Variants in PTPRG observed in about 807,000 individuals in gnomAD.
PTPRG encodes the protein protein tyrosine phosphatase receptor type G, also known as receptor-type tyrosine-protein phosphatase gamma.
Under a neutral mutation model 165.3 loss-of-function variants are expected in PTPRG, and 102 were observed. The ratio of observed to expected loss-of-function variants is 0.62; its 90% CI spans 0.53 to 0.73. The LOEUF (loss-of-function observed/expected upper bound fraction) is 0.73. PTPRG is among the 30% of genes least tolerant of loss of function. The pLI is 0.00. For synonymous variants in PTPRG, 675 were observed against 669.5 expected, an observed-to-expected ratio of 1.01 and a Z score of -0.13; for missense variants, 1,866 against 1,861.4, an observed-to-expected ratio of 1.00 and a Z score of -0.05.
At chr3:61,858,046 C>G (rs772135577) in intron 2 of PTPRG, among the ~76,000 whole-genome samples, 2 of 152,198 alleles carry the variant, frequency 1.3e-5, no homozygotes, top group Non-Finnish European at 2.9e-5. Flanking sequence ...CTGGCTTAAA[C>G]TGATACATGT....
At chr3:61,849,652 C>T (rs1031754276) in intron 2 of PTPRG, among the ~76,000 whole-genome samples, 3 of 152,192 alleles carry the variant, frequency 2.0e-5, no homozygotes, top group African/African-American at 7.2e-5. Context: ...GATAAATGCA[C>T]TGAGACATTG....
At chr3:62,000,330 G>T (rs1374226136) in intron 3 of PTPRG, among the ~76,000 whole-genome samples, 2 of 151,436 alleles carry the variant, frequency 1.3e-5, no homozygotes, top group South Asian at 2.1e-4. Flanking sequence ...ACTCCAAATG[G>T]TATCTTATTG....
In PTPRG at chr3:61,944,217, C is replaced by G. The variant is rs531356393; in HGVS notation, c.191-45408C>G. Among the ~76,000 whole-genome samples, 31 of 152,278 alleles carry G rather than the reference C, an allele frequency of 2.0e-4. No individual in the cohort carries two copies. The East Asian group carries it at 5.6e-3, about 27-fold the overall frequency. On this transcript the variant is annotated intron_variant, in intron 2 of 29. Transcript: ENST00000474889. Reference sequence around the variant, plus strand: ...ACACCTCCCATTTGTGACAACGAAGCCTCCCTAAACATTGCCCAGATGTTC... The same window carrying G: ...ACACCTCCCATTTGTGACAACGAAGGCTCCCTAAACATTGCCCAGATGTTC...
intron 5 of PTPRG, among the ~76,000 whole-genome samples, chr3:62,119,557 C>G (rs1576025324): frequency 6.6e-6 from 1 of 151,784 alleles, no homozygotes; most frequent in Non-Finnish European, 1.5e-5. Context: ...TCGGCTGGGC[C>G]CAGATCTGGG....
intron 2 of PTPRG, among the ~76,000 whole-genome samples, chr3:61,958,658 C>T (rs1344798569): frequency 1.3e-5 from 2 of 152,174 alleles, no homozygotes; most frequent in South Asian, 2.1e-4. Flanking sequence ...TTATGATCAT[C>T]TTTCCTGCTG....
intron 1 of PTPRG, among the ~76,000 whole-genome samples, chr3:61,652,339 A>T (rs572248858): frequency 2.6e-5 from 4 of 152,186 alleles, no homozygotes; most frequent in Non-Finnish European, 5.9e-5. Flanking sequence ...TGAAGAATCA[A>T]ATAAATAGTG....
intron 2 of PTPRG, among the ~76,000 whole-genome samples, chr3:61,880,215 G>A (rs142866697): frequency 6.6e-6 from 1 of 152,358 alleles, no homozygotes; most frequent in East Asian, 1.9e-4. Flanking sequence ...GAAACTTAGA[G>A]TCTTGCTAGA....
Position 61,562,186 on chromosome 3 carries a change from G to C in PTPRG, c.-102G>C. On this transcript the variant is annotated 5_prime_UTR_variant, in exon 1 of 30. Coordinates refer to ENST00000474889, the MANE Select transcript of PTPRG (RefSeq NM_002841.4). ...CGCGGGGGGCCCGTGGAGCGGGCGA[G>C]CCGGGGAAGCGCCCCGGCTTAGCGG... 1.8e-6 allele frequency: 2 copies of C among 1,103,182 alleles called. No homozygotes were observed. Among genetic ancestry groups the C allele is most frequent in the Non-Finnish European group, 2.7e-6 (2 of 732,984 alleles). 68.3% of individuals were successfully genotyped at this position (1,103,182 alleles called of 1,614,324 possible).
At chr3:61,633,261 G>T (rs12497685) in intron 1 of PTPRG, among the ~76,000 whole-genome samples, 49,832 of 152,036 alleles carry the variant, frequency 0.33, 9,151 homozygotes, top group Middle Eastern at 0.43. Flanking sequence ...GGGATTCTTT[G>T]TTCACTACTG....
At chr3:62,186,003 GTGT>G (rs1705867080) in intron 8 of PTPRG, among the ~76,000 whole-genome samples, 2 of 152,286 alleles carry the variant, frequency 1.3e-5, no homozygotes, top group South Asian at 2.1e-4. Flanking sequence ...TTTGAGGGAG[GTGT>G]TGTTTGAAAG....
chr3:62,293,191 C>G lies in PTPRG; in HGVS notation c.4222C>G (p.Leu1408Val). 1 of 1,605,658 alleles carries G rather than the reference C, an allele frequency of 6.2e-7. No homozygotes were observed. Among genetic ancestry groups the G allele is most frequent in the Non-Finnish European group, 8.5e-7 (1 of 1,177,268 alleles). Residue 1408 changes from leucine (L) to valine (V), a missense_variant, in exon 30 of 30, where the codon CTT becomes GTT. Leu to Val is a conservative substitution (Grantham distance 32, BLOSUM62 1). Around this residue, in one of 3 missense-constraint regions of PTPRG, gnomAD observed 1,452 missense variants for 1,463.0 expected, o/e 0.99. Coordinates refer to ENST00000474889, the MANE Select transcript of PTPRG (RefSeq NM_002841.4). The part of the protein sequence containing the change: ...EQYQFIYKAM[L>V]SLVSTKENGN... ...ATACCAGTTCATCTATAAAGCAATG[C>G]TTAGCTTGGTCAGCACTAAAGAAAA...
chr3:61,876,440 T>G (rs1297870006), intron 2 of PTPRG, among the ~76,000 whole-genome samples: 1 of 152,188 alleles, frequency 6.6e-6, no homozygotes, highest in Non-Finnish European at 1.5e-5. Flanking sequence ...ATTTCCTGGT[T>G]TTGATCATTG....
At chr3:61,604,038 A>C (rs1313054919) in intron 1 of PTPRG, among the ~76,000 whole-genome samples, 2 of 152,210 alleles carry the variant, frequency 1.3e-5, no homozygotes, top group Non-Finnish European at 2.9e-5. Context: ...ATATTTGTCA[A>C]CATATGCCTG....
At chr3:62,251,174 C>G (rs531117636) in intron 15 of PTPRG, among the ~76,000 whole-genome samples, 1 of 152,086 alleles carries the variant, frequency 6.6e-6, no homozygotes, top group African/African-American at 2.4e-5. Flanking sequence ...GAGGATCACT[C>G]GAGCCCAAGA....
intron 2 of PTPRG, among the ~76,000 whole-genome samples, chr3:61,927,636 A>G (rs1407780297): frequency 6.6e-6 from 1 of 152,204 alleles, no homozygotes; most frequent in African/African-American, 2.4e-5. Context: ...TGAGTCTGCA[A>G]AATGATCCCT....
At chr3:61,758,554 C>T (rs1452752294) in intron 2 of PTPRG, among the ~76,000 whole-genome samples, 3 of 152,098 alleles carry the variant, frequency 2.0e-5, no homozygotes, top group Non-Finnish European at 4.4e-5. Context: ...TGGGTTCAAA[C>T]AATTCTCTTG....
chr3:61,965,724 G>GA (rs2040255837), intron 2 of PTPRG, among the ~76,000 whole-genome samples: 1 of 152,194 alleles, frequency 6.6e-6, no homozygotes, highest in African/African-American at 2.4e-5. Context: ...CTATTTGCAA[G>GA]ACACTAAGCA....
At chr3:62,207,674 C>T (rs1006850593) in intron 12 of PTPRG, among the ~76,000 whole-genome samples, 1 of 152,184 alleles carries the variant, frequency 6.6e-6, no homozygotes, top group Non-Finnish European at 1.5e-5. Flanking sequence ...ATGAGTATCT[C>T]CAAACAGCTT....
At chr3:62,201,625 C>T (rs769888502) in intron 11 of PTPRG, 71 bp downstream of exon 11, 339 of 1,463,838 alleles carry the variant, frequency 2.3e-4, no homozygotes, top group Non-Finnish European at 3.1e-4. Context: ...ACTGTCACCA[C>T]GAAGTGGCAG....
Sources: gnomAD v4.1 joint callset for allele counts (sites outside exome capture counted in the v4.1 genomes callset) on GRCh38, gnomAD v4.1.1 for gene constraint, gnomAD v4.1.1 regional missense constraint, MANE v1.5 for transcripts, NCBI Gene and HGNC (gene_info 2026-07-23, HGNC 2026-07-21) for gene names.